The following MYH11 variants were observed in gnomAD, a reference collection of about 807,000 sequenced individuals.
MYH11 encodes myosin heavy chain 11.
MYH11 carries 80 observed loss-of-function variants against 246.6 expected under a neutral mutation model. The ratio of observed to expected loss-of-function variants is 0.32; its 90% CI spans 0.27 to 0.39. The LOEUF (loss-of-function observed/expected upper bound fraction) is 0.39. Among genes scored for constraint, MYH11 ranks in the 10% least tolerant of loss-of-function variants. MYH11 has a pLI of 1.00. For synonymous variants in MYH11, 1,071 were observed against 1,015.5 expected (o/e 1.05, Z -1.04); for missense variants, 2,158 against 2,546.8 (o/e 0.85, Z 3.29).
chr16:15,800,985 C>G, intron 3 of MYH11, among the ~76,000 whole-genome samples: 1 of 152,038 alleles, frequency 6.6e-6, no homozygotes, highest in Admixed American at 6.5e-5. Flanking sequence ...GAGGGTGGAT[C>G]ACTTGAGTTC....
Position 15,717,239 on chromosome 16 carries a change from T to C in MYH11, c.5405A>G (p.His1802Arg), listed in dbSNP as rs1259582668. Reference protein sequence around the residue: ...RQNKELRSKLHEMEGAVKSKF... With the variant: ...RQNKELRSKLREMEGAVKSKF... ...GGACTTGACGGCCCCCTCCATCTCG[T>C]GGAGCTTGCTCCGGAGCTCCTTGTT... Residue 1802 changes from histidine to arginine, a missense_variant, in exon 38 of 41, where the codon CAC becomes CGC. Coordinates refer to ENST00000300036, the MANE Select transcript of MYH11 (RefSeq NM_002474.3). 1.9e-6 allele frequency: 3 copies of C among 1,614,088 alleles called. No individual in the cohort carries two copies. Among genetic ancestry groups the C allele is most frequent in the East Asian group, 2.2e-5 (1 of 44,894 alleles).
At position 15,717,154 on chromosome 16, in the gene MYH11, G is replaced by C. The variant is rs770582589; in HGVS notation, c.5490C>G (p.Val1830=). 1 of 1,614,150 alleles carries C rather than the reference G, an allele frequency of 6.2e-7. No homozygotes were observed. Among genetic ancestry groups the C allele is most frequent in the Non-Finnish European group, 8.5e-7 (1 of 1,180,030 alleles). ...CACCCGCATACCTGGCCTCCTGCTC[G>C]ACCTGCTCCTCCAGCTGTGCAATCT... ...EAKIAQLEEQ[V]EQEAREKQAA... The change falls in exon 38 of 41, where the codon GTC becomes GTG. Residue 1830 remains valine (V), a synonymous_variant. Coordinates refer to ENST00000300036, the MANE Select transcript of MYH11 (RefSeq NM_002474.3).
chr16:15,773,694 C>G (rs1320589683), intron 8 of MYH11, among the ~76,000 whole-genome samples: 1 of 152,180 alleles, frequency 6.6e-6, no homozygotes, highest in African/African-American at 2.4e-5. Context: ...CACAGCTGCT[C>G]TGATGTCCTT....
Position 15,849,331 on chromosome 16 carries a change from T to A in MYH11, c.-18+7610A>T, listed in dbSNP as rs192748619. On this transcript the variant is annotated intron_variant, in intron 1 of 40. Transcript: ENST00000300036. ...ACAGGCGTGAGTCACCTCGTCCAAC[T>A]TTCTCGAATGTTTGGATGAAAACAA... is the stretch of plus-strand genomic sequence containing the variant. Among the ~76,000 whole-genome samples, 181 of 152,316 alleles carry A rather than the reference T, an allele frequency of 1.2e-3. 2 individuals are homozygous for A. Among genetic ancestry groups the A allele is most frequent in the African/African-American group, 4.0e-3 (168 of 41,564 alleles).
chr16:15,711,448 A>G (rs1240652809), intron 40 of MYH11, among the ~76,000 whole-genome samples: 1 of 152,230 alleles, frequency 6.6e-6, no homozygotes. Context: ...TGAACTTGAT[A>G]CTATTTTTAT....
chr16:15,718,582 G>A (rs1017251694), intron 36 of MYH11, 144 bp from the exon 37 acceptor site: 17 of 1,251,692 alleles, frequency 1.4e-5, no homozygotes, highest in African/African-American at 4.5e-5. Flanking sequence ...AGACTCATCT[G>A]TAGTTACACA....
At chr16:15,790,944 T>C (rs1384494415) in intron 4 of MYH11, 3 of 148,964 alleles carry the variant, frequency 2.0e-5, no homozygotes, top group Non-Finnish European at 4.4e-5. Context: ...GCTCTGCATT[T>C]TTTTTCTTTT....
chr16:15,743,901 T>C (rs547069926), intron 20 of MYH11, among the ~76,000 whole-genome samples: 54 of 152,254 alleles, frequency 3.5e-4, no homozygotes, highest in East Asian at 1.7e-3. Flanking sequence ...CTTTGTGCCA[T>C]GGGGACAATG....
Position 15,715,388 on chromosome 16 carries a change from C to G in MYH11, c.5505-116G>C, listed in dbSNP as rs144676288. ...TCCTGAGCCCCGTATCTGGACTCCT[C>G]TCAAGAATCAGTCAGATGGTGGAAT... is the stretch of plus-strand genomic sequence containing the variant. On this transcript the variant is annotated intron_variant, in intron 38 of 40. Transcript: ENST00000300036. 2.4e-4 allele frequency: 217 copies of G among 889,152 alleles called. 3 individuals carry two copies. Among genetic ancestry groups the G allele is most frequent in the South Asian group, 2.0e-3 (149 of 74,584 alleles). The allele number at this position is 889,152 out of a possible 1,614,324, so 55.1% of individuals were successfully genotyped here.
chr16:15,813,573 A>G (rs1339061305), intron 3 of MYH11, among the ~76,000 whole-genome samples: 2 of 152,206 alleles, frequency 1.3e-5, no homozygotes, highest in Non-Finnish European at 2.9e-5. Context: ...GATTATTATT[A>G]TCACTTCTTT....
intron 35 of MYH11, 69 bp from the exon 36 acceptor site, chr16:15,719,377 C>T (rs1453067071): frequency 1.3e-6 from 2 of 1,543,974 alleles, no homozygotes; most frequent in African/African-American, 2.7e-5. Flanking sequence ...TCCACCCTGA[C>T]AACTCAGCCA....
chr16:15,786,535 G>T, intron 5 of MYH11, 95 bp downstream of exon 5: 1 of 1,214,616 alleles, frequency 8.2e-7, no homozygotes, highest in Non-Finnish European at 1.2e-6. Context: ...TGGGGCCTGA[G>T]TTCTTGCAAT....
intron 10 of MYH11, 49 bp downstream of exon 10, chr16:15,763,747 A>ACCCCCCC: frequency 5.7e-6 from 2 of 349,138 alleles, no homozygotes; most frequent in South Asian, 2.6e-5. Flanking sequence ...CACCTCCCCC[A>ACCCCCCC]CCCCCCCAAC....
intron 4 of MYH11, among the ~76,000 whole-genome samples, chr16:15,795,782 A>T (rs934877692): frequency 6.6e-6 from 1 of 152,154 alleles, no homozygotes; most frequent in Non-Finnish European, 1.5e-5. Flanking sequence ...GACTCATTTC[A>T]TCCTTCCAAC....
chr16:15,839,377 C>G (rs1041541781), intron 1 of MYH11, among the ~76,000 whole-genome samples: 1 of 152,054 alleles, frequency 6.6e-6, no homozygotes, highest in Non-Finnish European at 1.5e-5. Context: ...CTGGTGCAAA[C>G]GTAAGTGTGG....
At chr16:15,841,977 C>T in intron 1 of MYH11, among the ~76,000 whole-genome samples, 1 of 152,230 alleles carries the variant, frequency 6.6e-6, no homozygotes, top group East Asian at 1.9e-4. Flanking sequence ...GCAGCCAACT[C>T]CTGAAACCCA....
In MYH11 at chr16:15,741,657, T is replaced by G. The variant is rs762308378; in HGVS notation, c.2665A>C (p.Lys889Gln). The change falls in exon 22 of 41, where the codon AAG becomes CAG. Residue 889 changes from lysine (K) to glutamine (Q), a missense_variant. Physicochemically the swap from Lys to Gln is moderately conservative, Grantham distance 53. Transcript: ENST00000300036. ...EQKHSQLTEE[K>Q]NLLQEQLQAE... The stretch of plus-strand genomic sequence containing the variant: ...TGCAGCTGTTCCTGTAGCAGGTTCT[T>G]CTCCTCGGTCAGCTGCACGCAGGTG... 216 of 1,613,744 alleles carry G rather than the reference T, an allele frequency of 1.3e-4. 1 individual carries two copies. The South Asian group carries it at 2.3e-3, about 17-fold the overall frequency.
chr16:15,763,741 T>TGGGCCCCCCCCCCCCCCCC, intron 10 of MYH11, 55 bp downstream of exon 10: 3 of 646,846 alleles, frequency 4.6e-6, no homozygotes, highest in Non-Finnish European at 5.8e-6. Context: ...AAATGTCACC[T>TGGGCCCCCCCCCCCCCCCC]CCCCCACCCC....
intron 28 of MYH11, 65 bp downstream of exon 28, chr16:15,726,783 G>GCTC (rs1186034791): frequency 6.3e-7 from 1 of 1,577,942 alleles, no homozygotes; most frequent in Non-Finnish European, 8.7e-7. Context: ...CCGGGAAGAG[G>GCTC]CTCCTCCCCA....
Sources: allele counts gnomAD v4.1 joint callset (sites outside exome capture counted in the v4.1 genomes callset), GRCh38; gene constraint gnomAD v4.1.1; transcripts MANE v1.5; gene names NCBI Gene and HGNC (gene_info 2026-07-23, HGNC 2026-07-21).